Variants in NUDCD1 observed in about 807,000 individuals in gnomAD.
NUDCD1 encodes the protein NudC domain containing 1, also known as nudC domain-containing protein 1.
NUDCD1 carries 60 observed loss-of-function variants against 67.8 expected under a neutral mutation model. The ratio of observed to expected loss-of-function variants is 0.88; its 90% CI spans 0.72 to 1.10. The LOEUF (loss-of-function observed/expected upper bound fraction) is 1.10. Ranked by LOEUF, NUDCD1 falls within the 50% of genes least tolerant of loss-of-function variation. The pLI, the probability that NUDCD1 is intolerant of heterozygous loss-of-function variation, is 0.00. For missense variants in NUDCD1, 643 were observed against 695.0 expected, an observed-to-expected ratio of 0.93 and a Z score of 0.84; for synonymous variants, 244 against 230.8, an observed-to-expected ratio of 1.06 and a Z score of -0.52.
chr8:109,248,212 T>A (rs1025893745), intron 8 of NUDCD1, among the ~76,000 whole-genome samples: 8 of 152,148 alleles, frequency 5.3e-5, no homozygotes, highest in African/African-American at 1.9e-4. Context: ...GGCAAGGAAA[T>A]GGATTCTCCC....
rs1380017225 is a variant in NUDCD1 at position 109,333,896 on chromosome 8, C to T, written c.115G>A (p.Ala39Thr). Residue 39 changes from alanine to threonine, a missense_variant, in exon 1 of 10, where the codon GCA (alanine) becomes ACA (threonine). Transcript: ENST00000239690. ...PLPCYQLELD[A>T]AVAEVKLRDD... ...GAAGGGCGCCGCCGCTTCCCACCTG[C>T]GTCAAGCTCCAGCTGGTAACAAGGC... The T allele has an allele frequency of 6.2e-7, 1 of 1,613,948 alleles. No homozygotes were observed. Among genetic ancestry groups the T allele is most frequent in the African/African-American group, 1.3e-5 (1 of 74,926 alleles).
intron 2 of NUDCD1, among the ~76,000 whole-genome samples, chr8:109,302,493 C>T (rs754508819): frequency 3.9e-5 from 6 of 152,190 alleles, no homozygotes; most frequent in South Asian, 2.1e-4. Flanking sequence ...GGCTGTGCCT[C>T]GCCAGGCCAA....
chr8:109,295,743 A>G (rs1243720817), intron 3 of NUDCD1, among the ~76,000 whole-genome samples: 1 of 152,092 alleles, frequency 6.6e-6, no homozygotes, highest in African/African-American at 2.4e-5. Flanking sequence ...TATTAGCATA[A>G]CTCAAAGGAG....
At chr8:109,291,378 C>A (rs1482183770) in intron 4 of NUDCD1, among the ~76,000 whole-genome samples, 1 of 152,118 alleles carries the variant, frequency 6.6e-6, no homozygotes, top group South Asian at 2.1e-4. Context: ...CTCCTGGGCT[C>A]AAGTGATCCT....
intron 4 of NUDCD1, among the ~76,000 whole-genome samples, chr8:109,290,321 A>G (rs1319355178): frequency 5.9e-5 from 9 of 152,248 alleles, no homozygotes; most frequent in Admixed American, 5.9e-4. Context: ...ATCTTGGAGA[A>G]ATCTCTTATT....
intron 2 of NUDCD1, among the ~76,000 whole-genome samples, chr8:109,320,658 T>A (rs577626994): frequency 6.6e-6 from 1 of 152,320 alleles, no homozygotes; most frequent in South Asian, 2.1e-4. Flanking sequence ...GCATAGGAAA[T>A]CACAAGGGTA....
At chr8:109,269,455 A>C (rs1332550981) in intron 8 of NUDCD1, among the ~76,000 whole-genome samples, 1 of 152,210 alleles carries the variant, frequency 6.6e-6, no homozygotes, top group East Asian at 1.9e-4. Context: ...AAGACTAGGA[A>C]GGGATAGCGA....
chr8:109,315,536 T>C (rs1224274694), intron 2 of NUDCD1: 1 of 152,174 alleles, frequency 6.6e-6, no homozygotes, highest in East Asian at 1.9e-4. Context: ...TAACTAATCA[T>C]TGTCTGAGCA....
At position 109,281,046 on chromosome 8, in the gene NUDCD1, T is replaced by A; in HGVS notation, c.950A>T (p.Asp317Val). 2 of 1,612,580 alleles carry A rather than the reference T, an allele frequency of 1.2e-6. No homozygotes were observed. The highest frequency in any genetic ancestry group is 2.2e-5 in the South Asian group (2 of 91,032). ...LPDHINIVLK[D>V]HQFLEGKLYS... ...GAGTTTTCCTTCTAAAAACTGGTGA[T>A]CCTTCAGTACAATGTTGATGTGATC... Residue 317 changes from aspartate to valine, a missense_variant, in exon 6 of 10, where the codon GAT becomes GTT. Coordinates refer to ENST00000239690, the MANE Select transcript of NUDCD1 (RefSeq NM_032869.4).
chr8:109,260,537 T>C (rs997051997), intron 8 of NUDCD1, among the ~76,000 whole-genome samples: 6 of 152,072 alleles, frequency 3.9e-5, no homozygotes, highest in African/African-American at 1.4e-4. Flanking sequence ...AGATAATAGG[T>C]ACAACAGGAG....
At chr8:109,296,238 T>C (rs925588593) in intron 3 of NUDCD1, 146 bp downstream of exon 3, 2 of 662,676 alleles carry the variant, frequency 3.0e-6, no homozygotes, top group Non-Finnish European at 5.2e-6. Context: ...TGTTATAATT[T>C]AGTTAAAAAG....
Position 109,333,968 on chromosome 8 carries a change from G to A in NUDCD1, c.43C>T (p.Leu15=). ...TAACCCTCGAAGCGGGGATCCAACA[G>A]AGGTCTCTTCACCCGTAGGGAGCAA... ...ANCSLRVKRP[L]LDPRFEGYKL... The change falls in exon 1 of 10, where the codon CTG becomes TTG. Residue 15 remains leucine, a synonymous_variant. Transcript: ENST00000239690. The A allele has an allele frequency of 6.2e-7, 1 of 1,614,162 alleles. No individual in the cohort carries two copies. Among genetic ancestry groups the A allele is most frequent in the Non-Finnish European group, 8.5e-7 (1 of 1,179,984 alleles).
At chr8:109,331,280 G>A (rs1051366002) in intron 1 of NUDCD1, among the ~76,000 whole-genome samples, 8 of 152,158 alleles carry the variant, frequency 5.3e-5, no homozygotes, top group African/African-American at 1.2e-4. Flanking sequence ...GTTGCAGTGA[G>A]CTGAGATCGC....
intron 1 of NUDCD1, among the ~76,000 whole-genome samples, chr8:109,331,194 G>A (rs1815796737): frequency 6.6e-6 from 1 of 152,106 alleles, no homozygotes; most frequent in Non-Finnish European, 1.5e-5. Context: ...AATTAGCTGG[G>A]CTTGGTGGCG....
In NUDCD1 at chr8:109,287,999, A is replaced by G. The variant is rs567810035; in HGVS notation, c.823+1752T>C. Among the ~76,000 whole-genome samples the G allele has an allele frequency of 2.1e-3, 314 of 152,302 alleles. 1 individual carries two copies. Among genetic ancestry groups the G allele is most frequent in the African/African-American group, 7.4e-3 (306 of 41,560 alleles). ...AAAACATGTTATTAAAATGCCAAATAGCCAATAGATAATACCAGTCTTCTT... is the reference window on the plus strand; with the variant it reads ...AAAACATGTTATTAAAATGCCAAATGGCCAATAGATAATACCAGTCTTCTT... On this transcript the variant is annotated intron_variant, in intron 5 of 9. Coordinates refer to ENST00000239690, the MANE Select transcript of NUDCD1 (RefSeq NM_032869.4).
rs1384253194 is a variant in NUDCD1, at chr8:109,242,596, T to C, written c.*413A>G. The C allele has an allele frequency of 6.2e-6, 1 of 162,184 alleles. No individual in the cohort carries two copies. Among genetic ancestry groups the C allele is most frequent in the Non-Finnish European group, 1.3e-5 (1 of 74,812 alleles). The allele number at this position is 162,184 out of a possible 1,614,324, so 10.0% of individuals were successfully genotyped here. On this transcript the variant is annotated 3_prime_UTR_variant, in exon 10 of 10. Coordinates refer to ENST00000239690, the MANE Select transcript of NUDCD1 (RefSeq NM_032869.4). ...CAGTTATTCAATCCACTTAAATACA[T>C]ATGTACAATACTCAACATTTAACTA...
intron 1 of NUDCD1, among the ~76,000 whole-genome samples, chr8:109,326,725 C>A (rs1258097517): frequency 6.6e-6 from 1 of 152,072 alleles, no homozygotes; most frequent in Admixed American, 6.6e-5. Context: ...ACCTCAAAAC[C>A]TAGTTTTTCA....
intron 2 of NUDCD1, among the ~76,000 whole-genome samples, chr8:109,299,951 C>A (rs1218597176): frequency 1.3e-5 from 2 of 152,134 alleles, no homozygotes; most frequent in African/African-American, 4.8e-5. Flanking sequence ...AACCCCAGTA[C>A]CAGCCTGGAG....
intron 5 of NUDCD1, among the ~76,000 whole-genome samples, 166 bp downstream of exon 5, chr8:109,289,585 A>C (rs547152019): frequency 1.3e-5 from 2 of 152,180 alleles, no homozygotes; most frequent in African/African-American, 4.8e-5. Flanking sequence ...TCACACTATT[A>C]AGGTGGTATA....
Sources: gnomAD v4.1 joint callset for allele counts (sites outside exome capture counted in the v4.1 genomes callset) on GRCh38, gnomAD v4.1.1 for gene constraint, MANE v1.5 for transcripts, NCBI Gene and HGNC (gene_info 2026-07-23, HGNC 2026-07-21) for gene names.